The following BDKRB2 variants were observed in gnomAD, a reference collection of about 807,000 sequenced individuals.
BDKRB2 encodes the protein bradykinin receptor B2, also known as B2 bradykinin receptor.
BDKRB2 carries 6 observed loss-of-function variants against 4.0 expected under a neutral mutation model. The ratio of observed to expected loss-of-function variants is 1.49; its 90% CI spans 0.81 to 2.93. The LOEUF is 2.93. BDKRB2 is among the 30% of genes most tolerant of loss of function. The probability of loss-of-function intolerance (pLI) is 0.00; values close to 1 mark genes in which losing one functional copy is unlikely to be tolerated. For missense variants in BDKRB2, 478 were observed against 520.1 expected, an observed-to-expected ratio of 0.92 and a Z score of 0.79; for synonymous variants, 225 against 215.3, an observed-to-expected ratio of 1.05 and a Z score of -0.40.
At chr14:96,205,578 C>T (rs921500161) in intron 1 of BDKRB2, among the ~76,000 whole-genome samples, 3 of 152,146 alleles carry the variant, frequency 2.0e-5, no homozygotes, top group East Asian at 1.9e-4. Flanking sequence ...CCTCTTCCCA[C>T]GGTCCTGGCT....
chr14:96,223,780 T>C (rs1425764430), intron 1 of BDKRB2, among the ~76,000 whole-genome samples: 1 of 151,746 alleles, frequency 6.6e-6, no homozygotes. Context: ...AATCTGTTCA[T>C]GTTAAAAGCC....
Position 96,240,533 on chromosome 14 carries a change from G to C in BDKRB2, c.205G>C (p.Val69Leu). 6.3e-7 allele frequency: 1 copy of C among 1,582,478 alleles called. No homozygotes were observed. The highest frequency in any genetic ancestry group is 1.2e-5 in the South Asian group (1 of 85,134). ...IQPPFLWVLF[V>L]LATLENIFVL... ...GCCCCCCTTCCTCTGGGTGCTGTTC[G>C]TGCTGGCCACCCTAGAGAACATCTT... The change falls in exon 3 of 3, where the codon GTG becomes CTG. Residue 69 changes from valine to leucine, a missense_variant. Physicochemically the swap from Val to Leu is conservative, Grantham distance 32. Transcript: ENST00000554311.
chr14:96,220,993 C>A (rs1214740421), intron 1 of BDKRB2, among the ~76,000 whole-genome samples: 1 of 151,998 alleles, frequency 6.6e-6, no homozygotes, highest in Non-Finnish European at 1.5e-5. Flanking sequence ...CCACTATATC[C>A]CCCTATAAAG....
At chr14:96,212,641 G>T (rs1180676541) in intron 1 of BDKRB2, among the ~76,000 whole-genome samples, 1 of 152,196 alleles carries the variant, frequency 6.6e-6, no homozygotes, top group East Asian at 1.9e-4. Context: ...CGGCTCACTT[G>T]GGTGGTAAAG....
chr14:96,230,933 A>AT (rs537979256), intron 1 of BDKRB2, among the ~76,000 whole-genome samples: 3,994 of 149,698 alleles, frequency 0.027, 132 homozygotes, highest in African/African-American at 0.084. Flanking sequence ...TTATTTATTT[A>AT]TTTTTTTTTT....
intron 1 of BDKRB2, among the ~76,000 whole-genome samples, chr14:96,220,079 G>A (rs762227282): frequency 3.9e-5 from 6 of 152,064 alleles, no homozygotes; most frequent in South Asian, 2.1e-4. Flanking sequence ...CAGAAAGCCC[G>A]TTGTTAACCA....
At chr14:96,219,802 G>A (rs1277212354) in intron 1 of BDKRB2, among the ~76,000 whole-genome samples, 3 of 151,918 alleles carry the variant, frequency 2.0e-5, no homozygotes, top group Non-Finnish European at 4.4e-5. Flanking sequence ...GGAGCACTGG[G>A]GCTGGGGTGT....
intron 1 of BDKRB2, chr14:96,214,757 A>G (rs1359889006): frequency 2.0e-5 from 3 of 152,246 alleles, no homozygotes; most frequent in South Asian, 4.1e-4. Context: ...AAGGGGTGAG[A>G]CGAGACAGTG....
chr14:96,228,252 T>C (rs1890743961), intron 1 of BDKRB2, among the ~76,000 whole-genome samples: 1 of 152,040 alleles, frequency 6.6e-6, no homozygotes. Context: ...CCGTCTAGGG[T>C]TGTGTTACAA....
At chr14:96,216,249 C>T (rs191622444) in intron 1 of BDKRB2, among the ~76,000 whole-genome samples, 31 of 152,264 alleles carry the variant, frequency 2.0e-4, no homozygotes, top group South Asian at 1.2e-3. Flanking sequence ...TGCAAGACCC[C>T]TCCTACCAAC....
chr14:96,212,452 T>C (rs1890323819), intron 1 of BDKRB2, among the ~76,000 whole-genome samples: 1 of 151,274 alleles, frequency 6.6e-6, no homozygotes, highest in African/African-American at 2.4e-5. Context: ...TCCAAAAAAG[T>C]AGAAGAAAGA....
rs1285705434 is a variant in BDKRB2, at chr14:96,242,475, TA to T, written c.*972del. 3 of 152,254 alleles carry T rather than the reference TA, an allele frequency of 2.0e-5. No individual in the cohort carries two copies. The highest frequency in any genetic ancestry group is 7.2e-5 in the African/African-American group (3 of 41,458). 9.4% of individuals were successfully genotyped at this position (152,254 alleles called of 1,614,324 possible). A position where few individuals can be genotyped will look rare whatever the true frequency, so the allele number is the denominator to read the frequency against. On this transcript the variant is annotated 3_prime_UTR_variant, in exon 3 of 3. Transcript: ENST00000554311. ...GCAGACGTAACTGGGATATGTTTAC[TA>T]TAAGGAAAAGACACTGAGGTCTAGA...
At chr14:96,214,448 G>A (rs1295251542) in intron 1 of BDKRB2, among the ~76,000 whole-genome samples, 1 of 152,222 alleles carries the variant, frequency 6.6e-6, no homozygotes, top group Non-Finnish European at 1.5e-5. Flanking sequence ...TCCTGCCGGG[G>A]ACAATGCTCC....
At chr14:96,218,064 C>T (rs190262782) in intron 1 of BDKRB2, among the ~76,000 whole-genome samples, 226 of 152,170 alleles carry the variant, frequency 1.5e-3, no homozygotes, top group Non-Finnish European at 2.2e-3. Context: ...CCAGGACAAT[C>T]GTGAGGCTCA....
chr14:96,234,268 C>T (rs536909107), intron 1 of BDKRB2, among the ~76,000 whole-genome samples: 3 of 152,308 alleles, frequency 2.0e-5, no homozygotes, highest in East Asian at 1.9e-4. Flanking sequence ...GCTGGTACGG[C>T]AAAGCCTCAG....
intron 1 of BDKRB2, among the ~76,000 whole-genome samples, chr14:96,235,932 G>A (rs528407058): frequency 2.6e-5 from 4 of 152,264 alleles, no homozygotes; most frequent in African/African-American, 9.6e-5. Flanking sequence ...GTCTGGAAGG[G>A]AAAGAGGGGG....
In BDKRB2 at chr14:96,240,460, G is replaced by A; in HGVS notation, c.132G>A (p.Gln44=). ...CCACTCTTAACGGGACCTTTGCCCA[G>A]AGCAAATGCCCCCAAGTGGAGTGGC... ...QGPTLNGTFA[Q]SKCPQVEWLG... Residue 44 remains glutamine (Q), a synonymous_variant, in exon 3 of 3, where the codon CAG becomes CAA. Transcript: ENST00000554311. 6.6e-7 allele frequency: 1 copy of A among 1,513,104 alleles called. No homozygotes were observed. The highest frequency in any genetic ancestry group is 1.3e-5 in the South Asian group (1 of 74,156). 93.7% of individuals were successfully genotyped at this position (1,513,104 alleles called of 1,614,324 possible). A position where few individuals can be genotyped will look rare whatever the true frequency, so the allele number is the denominator to read the frequency against.
Position 96,241,604 on chromosome 14 carries a change from C to T in BDKRB2, c.*100C>T. ...TGCCAAGGAGACATCTATGCACGAC[C>T]TTGGGAAATGAGTTGATGTCTCCGG... is the stretch of plus-strand genomic sequence containing the variant. On this transcript the variant is annotated 3_prime_UTR_variant, in exon 3 of 3. Transcript: ENST00000554311. The T allele has an allele frequency of 6.9e-7, 1 of 1,444,354 alleles. No individual in the cohort carries two copies. 89.5% of individuals were successfully genotyped at this position (1,444,354 alleles called of 1,614,324 possible).
intron 2 of BDKRB2, chr14:96,238,591 C>T (rs1192743642): frequency 2.0e-6 from 2 of 985,700 alleles, no homozygotes; most frequent in Non-Finnish European, 1.2e-6. Context: ...CCTCACTCAA[C>T]CTCTTGCTAC....
Sources: allele counts gnomAD v4.1 joint callset (sites outside exome capture counted in the v4.1 genomes callset), GRCh38; gene constraint gnomAD v4.1.1; transcripts MANE v1.5; gene names NCBI Gene and HGNC (gene_info 2026-07-23, HGNC 2026-07-21).